The following RIC3 variants were observed in gnomAD, a reference collection of about 807,000 sequenced individuals.
RIC3 encodes RIC3 acetylcholine receptor chaperone, also known as protein RIC-3.
Under a neutral mutation model 27.3 loss-of-function variants are expected in RIC3, and 28 were observed. The ratio of observed to expected loss-of-function variants is 1.02; its 90% CI spans 0.76 to 1.41. The LOEUF is 1.41. Among genes scored for constraint, RIC3 ranks in the 40% most tolerant of loss-of-function variants. The pLI, the probability that RIC3 is intolerant of heterozygous loss-of-function variation, is 0.00. For missense variants in RIC3, 501 were observed against 444.7 expected, an observed-to-expected ratio of 1.13 and a Z score of -1.14; for synonymous variants, 184 against 160.4, an observed-to-expected ratio of 1.15 and a Z score of -1.11.
chr11:8,148,005 A>G (rs1403777738), intron 1 of RIC3, among the ~76,000 whole-genome samples: 2 of 152,162 alleles, frequency 1.3e-5, no homozygotes, highest in South Asian at 2.1e-4. Flanking sequence ...GATTACAGGC[A>G]TGAGCCGAAT....
chr11:8,099,043 C>T, the RIC3 span, among the ~76,000 whole-genome samples: 5 of 152,086 alleles, frequency 3.3e-5, no homozygotes, highest in East Asian at 7.7e-4. Flanking sequence ...CTCTGGCTCT[C>T]TCCTCCTGAC....
intron 1 of RIC3, among the ~76,000 whole-genome samples, chr11:8,156,120 C>G (rs958100621): frequency 1.4e-5 from 2 of 147,526 alleles, no homozygotes; most frequent in African/African-American, 2.5e-5. Flanking sequence ...GCACAGGGCC[C>G]GATCCACACA....
chr11:8,101,351 C>A, downstream of RIC3: 1 of 1,204,006 alleles, frequency 8.3e-7, no homozygotes, highest in Non-Finnish European at 1.2e-6. Flanking sequence ...TGTTTTACTT[C>A]CCTTTGTGAT....
chr11:8,168,466 G>C (rs993413047), intron 1 of RIC3, among the ~76,000 whole-genome samples: 1 of 152,170 alleles, frequency 6.6e-6, no homozygotes, highest in Non-Finnish European at 1.5e-5. Flanking sequence ...CGTACCAAGC[G>C]GCGCGTCAGA....
chr11:8,140,545 C>T (rs992367410), intron 1 of RIC3, among the ~76,000 whole-genome samples: 3 of 152,166 alleles, frequency 2.0e-5, no homozygotes, highest in East Asian at 1.9e-4. Flanking sequence ...TATTCAACTC[C>T]GTGATCATTT....
chr11:8,119,814 T>A (rs1479173268), intron 5 of RIC3, among the ~76,000 whole-genome samples: 2 of 152,108 alleles, frequency 1.3e-5, no homozygotes, highest in African/African-American at 4.8e-5. Context: ...AGGGCTAATA[T>A]CTAGAATCTA....
rs764251259 is a variant in RIC3, at chr11:8,126,929, T to C, written c.522-122A>G. The C allele has an allele frequency of 4.5e-6, 5 of 1,116,664 alleles. No individual in the cohort carries two copies. The East Asian group carries it at 1.2e-4, about 28-fold the overall frequency. 69.2% of individuals were successfully genotyped at this position (1,116,664 alleles called of 1,614,324 possible). A position where few individuals can be genotyped will look rare whatever the true frequency, so the allele number is the denominator to read the frequency against. ...GTGCAATTGCAGCAGATAATTATTCTAGGAATTGATCCTCCAACTGCATAG... is the reference window on the plus strand; with the variant it reads ...GTGCAATTGCAGCAGATAATTATTCCAGGAATTGATCCTCCAACTGCATAG... On this transcript the variant is annotated intron_variant, in intron 4 of 5. Transcript: ENST00000309737.
intron 5 of RIC3, among the ~76,000 whole-genome samples, chr11:8,124,073 AAG>A (rs1279579816): frequency 6.7e-6 from 1 of 148,460 alleles, no homozygotes; most frequent in Non-Finnish European, 1.5e-5. Flanking sequence ...TGAAAAAAAA[AAG>A]AAAGAAAGAA....
At chr11:8,153,058 C>A (rs1950376288) in intron 1 of RIC3, among the ~76,000 whole-genome samples, 1 of 152,038 alleles carries the variant, frequency 6.6e-6, no homozygotes, top group Non-Finnish European at 1.5e-5. Context: ...ATAAGGAAAC[C>A]TGTATTAGAA....
chr11:8,143,238 GTC>G (rs1410992375), intron 1 of RIC3, among the ~76,000 whole-genome samples: 1 of 151,706 alleles, frequency 6.6e-6, no homozygotes, highest in Non-Finnish European at 1.5e-5. Flanking sequence ...AAGTCAAATT[GTC>G]TCTGTTTGCA....
intron 1 of RIC3, among the ~76,000 whole-genome samples, chr11:8,156,523 T>C (rs1385698422): frequency 1.3e-5 from 2 of 152,210 alleles, no homozygotes; most frequent in East Asian, 3.9e-4. Context: ...CCCCACAAAC[T>C]GAATTCCTAA....
the RIC3 span, chr11:8,097,658 G>A: frequency 1.3e-6 from 2 of 1,490,530 alleles, no homozygotes; most frequent in East Asian, 4.5e-5. Context: ...TGGCTCTCAT[G>A]ACTGTGTGCA....
chr11:8,138,730 C>A (rs1948694365), intron 2 of RIC3: 1 of 221,226 alleles, frequency 4.5e-6, no homozygotes, highest in Non-Finnish European at 8.7e-6. Flanking sequence ...AATATTTGCC[C>A]TGGCATGCTT....
chr11:8,150,806 A>G (rs1020411273), intron 1 of RIC3, among the ~76,000 whole-genome samples: 1 of 152,256 alleles, frequency 6.6e-6, no homozygotes, highest in Non-Finnish European at 1.5e-5. Context: ...ATGGATGGCC[A>G]TAACATGAAA....
chr11:8,139,806 T>G (rs1948838419), intron 2 of RIC3, 161 bp downstream of exon 2: 1 of 660,530 alleles, frequency 1.5e-6, no homozygotes, highest in South Asian at 2.1e-5. Context: ...GAAACTGAAA[T>G]AATGGCTATC....
At chr11:8,146,024 T>G (rs1949642417) in intron 1 of RIC3, among the ~76,000 whole-genome samples, 1 of 152,242 alleles carries the variant, frequency 6.6e-6, no homozygotes, top group Non-Finnish European at 1.5e-5. Flanking sequence ...GATCCCACTC[T>G]GGTGAATAAA....
At chr11:8,137,508 C>T (rs1389416023) in intron 3 of RIC3, 37 bp from the exon 4 acceptor site, 3 of 1,566,132 alleles carry the variant, frequency 1.9e-6, no homozygotes. Context: ...CCATCAGAGA[C>T]AACTCCCTAA....
chr11:8,115,041 C>A (rs1186721680), intron 5 of RIC3, among the ~76,000 whole-genome samples: 1 of 151,976 alleles, frequency 6.6e-6, no homozygotes, highest in Non-Finnish European at 1.5e-5. Flanking sequence ...GAAATAATAG[C>A]AGAAAACTAT....
intron 4 of RIC3, among the ~76,000 whole-genome samples, chr11:8,131,459 A>C (rs1272582445): frequency 1.3e-5 from 2 of 152,218 alleles, no homozygotes; most frequent in African/African-American, 4.8e-5. Context: ...ACATTCATTC[A>C]TTCAACAGAT....
Sources: allele counts gnomAD v4.1 joint callset (sites outside exome capture counted in the v4.1 genomes callset), GRCh38; gene constraint gnomAD v4.1.1; transcripts MANE v1.5; gene names NCBI Gene and HGNC (gene_info 2026-07-23, HGNC 2026-07-21).